The following PPP3CB variants were observed in gnomAD, a reference collection of about 807,000 sequenced individuals.
PPP3CB encodes the protein protein phosphatase 3 catalytic subunit beta, also known as serine/threonine-protein phosphatase 2B catalytic subunit beta isoform.
PPP3CB carries 8 observed loss-of-function variants against 66.4 expected under a neutral mutation model. The ratio of observed to expected loss-of-function variants is 0.12; its 90% confidence interval spans 0.07 to 0.22. PPP3CB has a LOEUF of 0.22. Ranked by LOEUF, PPP3CB falls within the 10% of genes least tolerant of loss-of-function variation. The probability of loss-of-function intolerance (pLI) is 1.00; values close to 1 mark genes in which losing one functional copy is unlikely to be tolerated. For synonymous variants in PPP3CB, 208 were observed against 221.2 expected, an observed-to-expected ratio of 0.94 and a Z score of 0.53; for missense variants, 319 against 642.5, an observed-to-expected ratio of 0.50 and a Z score of 5.44.
chr10:73,460,593 G>T (rs1188564278), intron 9 of PPP3CB, among the ~76,000 whole-genome samples: 1 of 152,172 alleles, frequency 6.6e-6, no homozygotes, highest in Admixed American at 6.5e-5. Context: ...CACTAGTGAG[G>T]GAAATGGATA....
At chr10:73,485,681 C>A (rs1285899134) in intron 1 of PPP3CB, among the ~76,000 whole-genome samples, 1 of 152,070 alleles carries the variant, frequency 6.6e-6, no homozygotes, top group Non-Finnish European at 1.5e-5. Flanking sequence ...TCATTGAGGC[C>A]TTCAGAATTC....
chr10:73,438,311 A>T lies in PPP3CB; in HGVS notation c.1506T>A (p.Asp502Glu), dbSNP rs751336031. 2 of 1,613,974 alleles carry T rather than the reference A, an allele frequency of 1.2e-6. No homozygotes were observed. Among genetic ancestry groups the T allele is most frequent in the Non-Finnish European group, 1.7e-6 (2 of 1,179,998 alleles). ...MPPRKDAVQQ[D>E]GFNSLNTAHA... ...GTGCGGTGTTCAGAGAATTGAAACC[A>T]TCTTGCTGTACAGCATCTTTCCGAG... The change falls in exon 14 of 14, where the codon GAT becomes GAA. Residue 502 changes from aspartate (D) to glutamate (E), a missense_variant. This residue lies in a region of PPP3CB where 120 missense variants were observed against 331.2 expected (regional missense o/e 0.36). Transcript: ENST00000360663.
rs542736378 is a variant in PPP3CB at position 73,490,041 on chromosome 10, C to T, written c.85+5764G>A. Reference sequence around the variant, plus strand: ...AATAGTGTCTCCCCCACTAGAATGCCGGCACTACAAGAGAATCTATCTTAC... The same window carrying T: ...AATAGTGTCTCCCCCACTAGAATGCTGGCACTACAAGAGAATCTATCTTAC... On this transcript the variant is annotated intron_variant, in intron 1 of 13. Transcript: ENST00000360663. 9.0e-4 allele frequency among the ~76,000 whole-genome samples: 137 copies of T among 152,242 alleles called. 1 individual carries two copies. The Middle Eastern group carries it at 0.017, about 19-fold the overall frequency.
At chr10:73,494,642 T>G (rs1257165892) in intron 1 of PPP3CB, among the ~76,000 whole-genome samples, 1 of 151,118 alleles carries the variant, frequency 6.6e-6, no homozygotes, top group Non-Finnish European at 1.5e-5. Flanking sequence ...AGGTTGAAAA[T>G]TTTTAATTAA....
At chr10:73,457,077 C>A (rs1307876392) in intron 9 of PPP3CB, among the ~76,000 whole-genome samples, 1 of 151,210 alleles carries the variant, frequency 6.6e-6, no homozygotes, top group Non-Finnish European at 1.5e-5. Context: ...TAAATATACA[C>A]AATAAAATGT....
In PPP3CB at chr10:73,457,260, G is replaced by GAA. The variant is rs35129439; in HGVS notation, c.1109-2773_1109-2772dup. ...ACACAAAGATCCCATCTCTAAAAAA[G>GAA]AAAAAAAAAAAAAAAAAAAAAAAAA... On this transcript the variant is annotated intron_variant, in intron 9 of 13. Transcript: ENST00000360663. Among the ~76,000 whole-genome samples, 195 of 69,034 alleles carry GAA rather than the reference G, an allele frequency of 2.8e-3. 15 individuals carry two copies. Among genetic ancestry groups the GAA allele is most frequent in the East Asian group, 0.021 (47 of 2,224 alleles). 45.3% of individuals were successfully genotyped at this position (69,034 alleles called of 152,430 possible).
Position 73,438,300 on chromosome 10 carries a change from G to T in PPP3CB, c.1517C>A (p.Ser506Tyr), listed in dbSNP as rs1342647320. Reference sequence around the variant, plus strand: ...CTCAGTGGCATGTGCGGTGTTCAGAGAATTGAAACCATCTTGCTGTACAGC... The same window carrying T: ...CTCAGTGGCATGTGCGGTGTTCAGATAATTGAAACCATCTTGCTGTACAGC... ...KDAVQQDGFN[S>Y]LNTAHATENH... Residue 506 changes from serine to tyrosine, a missense_variant, in exon 14 of 14, where the codon TCT becomes TAT. Ser to Tyr is a moderately radical substitution (Grantham distance 144). This residue lies in a region of PPP3CB where 25 missense variants were observed against 26.4 expected (regional missense o/e 0.95). Coordinates refer to ENST00000360663, the MANE Select transcript of PPP3CB (RefSeq NM_021132.4). 1 of 1,614,188 alleles carries T rather than the reference G, an allele frequency of 6.2e-7. No individual in the cohort carries two copies. The highest frequency in any genetic ancestry group is 8.5e-7 in the Non-Finnish European group (1 of 1,180,028).
chr10:73,448,754 A>AAT (rs1303695929), intron 10 of PPP3CB: 8 of 532,744 alleles, frequency 1.5e-5, no homozygotes, highest in Non-Finnish European at 3.1e-5. Context: ...GGGACAAATA[A>AAT]AAAGATAGAG....
chr10:73,460,671 G>C (rs1444011103), intron 9 of PPP3CB, among the ~76,000 whole-genome samples: 1 of 152,224 alleles, frequency 6.6e-6, no homozygotes, highest in Non-Finnish European at 1.5e-5. Context: ...TGGAAAAAAG[G>C]AAGCAGCCCA....
At chr10:73,461,695 G>C (rs139916157) in intron 9 of PPP3CB, among the ~76,000 whole-genome samples, 1 of 152,296 alleles carries the variant, frequency 6.6e-6, no homozygotes, top group Non-Finnish European at 1.5e-5. Flanking sequence ...ATTCTAGAAT[G>C]AGTTAAGACT....
At chr10:73,458,444 T>G (rs2056465942) in intron 9 of PPP3CB, among the ~76,000 whole-genome samples, 1 of 151,968 alleles carries the variant, frequency 6.6e-6, no homozygotes, top group Admixed American at 6.6e-5. Context: ...GCAAAAAAAT[T>G]TTTTAATAAA....
chr10:73,439,098 A>G (rs1452422717), intron 13 of PPP3CB, among the ~76,000 whole-genome samples: 1 of 152,218 alleles, frequency 6.6e-6, no homozygotes, highest in Admixed American at 6.5e-5. Flanking sequence ...GGAAACTCAA[A>G]TCAAAATAAA....
rs547433761 is a variant in PPP3CB, at chr10:73,446,157, T to A, written c.1268+335A>T. On this transcript the variant is annotated intron_variant, in intron 11 of 13. Coordinates refer to ENST00000360663, the MANE Select transcript of PPP3CB (RefSeq NM_021132.4). ...CCTTGCTCAGTCGCCCAGTCTGGAG[T>A]GGCGCAGTCTCGGCTCACCGCAACT... 1.6e-4 allele frequency among the ~76,000 whole-genome samples: 24 copies of A among 149,728 alleles called. No individual in the cohort carries two copies. In the South Asian group the frequency reaches 5.1e-3, roughly 32 times the overall value.
chr10:73,441,897 G>T (rs144528730), intron 12 of PPP3CB, among the ~76,000 whole-genome samples: 115 of 152,144 alleles, frequency 7.6e-4, no homozygotes, highest in African/African-American at 2.5e-3. Context: ...TTCTTGAAAC[G>T]ACAATTTTTA....
intron 9 of PPP3CB, among the ~76,000 whole-genome samples, chr10:73,455,669 C>G (rs899700675): frequency 1.1e-4 from 16 of 152,104 alleles, no homozygotes; most frequent in Non-Finnish European, 2.2e-4. Context: ...CCCGGGTTCA[C>G]GCCATTCTCC....
chr10:73,463,002 G>T (rs1409983144), intron 9 of PPP3CB, among the ~76,000 whole-genome samples: 2 of 145,604 alleles, frequency 1.4e-5, no homozygotes, highest in Non-Finnish European at 3.0e-5. Flanking sequence ...ATACTGAAAG[G>T]CCTAGAGATT....
chr10:73,471,944 A>G (rs188442579), intron 4 of PPP3CB, among the ~76,000 whole-genome samples: 7 of 152,336 alleles, frequency 4.6e-5, no homozygotes, highest in Non-Finnish European at 7.4e-5. Flanking sequence ...GGGCAACTCT[A>G]TGCAGTGTCA....
chr10:73,471,248 C>A (rs981030275), intron 5 of PPP3CB, 39 bp from the exon 6 acceptor site: 2 of 1,549,684 alleles, frequency 1.3e-6, no homozygotes, highest in African/African-American at 1.4e-5. Context: ...AGTAACTCAT[C>A]AAAAAGTAAG....
At chr10:73,449,172 A>G (rs1012420011) in intron 10 of PPP3CB, among the ~76,000 whole-genome samples, 5 of 152,222 alleles carry the variant, frequency 3.3e-5, no homozygotes, top group African/African-American at 1.2e-4. Flanking sequence ...AATCTGTAGT[A>G]CATTCAGAGA....
Sources: allele counts gnomAD v4.1 joint callset (sites outside exome capture counted in the v4.1 genomes callset), GRCh38; gene constraint gnomAD v4.1.1; regional missense constraint gnomAD v4.1.1; transcripts MANE v1.5; gene names NCBI Gene and HGNC (gene_info 2026-07-23, HGNC 2026-07-21).